SLC35F1: variants seen among roughly 807,000 people sequenced by gnomAD.
SLC35F1 encodes solute carrier family 35 member F1.
SLC35F1 carries 14 observed loss-of-function variants against 48.7 expected under a neutral mutation model. The ratio of observed to expected loss-of-function variants is 0.29; its 90% CI spans 0.19 to 0.45. The LOEUF is 0.45. SLC35F1 is among the 20% of genes least tolerant of loss of function. SLC35F1 has a pLI of 1.00. For synonymous variants in SLC35F1, 190 were observed against 202.2 expected (o/e 0.94, Z 0.51); for missense variants, 404 against 500.0 (o/e 0.81, Z 1.83).
intron 1 of SLC35F1, among the ~76,000 whole-genome samples, chr6:118,109,567 C>T (rs1357949235): frequency 6.6e-6 from 1 of 152,044 alleles, no homozygotes; most frequent in Non-Finnish European, 1.5e-5. Context: ...TCAAATTCAG[C>T]TTCAGTTGTA....
chr6:118,082,597 A>G (rs1385499527), intron 1 of SLC35F1, among the ~76,000 whole-genome samples: 1 of 149,960 alleles, frequency 6.7e-6, no homozygotes, highest in Admixed American at 6.6e-5. Flanking sequence ...TTTTTTTTTC[A>G]TAAAGGAGAA....
rs186805828 is a variant in SLC35F1, at chr6:118,276,581, G to T, written c.795-913G>T. Reference sequence around the variant, plus strand: ...ACAGTCTGAGAAGGATTTATTTGGGGTCCATTTTGAAAGTGATGGCATTTT... The same window carrying T: ...ACAGTCTGAGAAGGATTTATTTGGGTTCCATTTTGAAAGTGATGGCATTTT... On this transcript the variant is annotated intron_variant, in intron 5 of 7. Transcript: ENST00000360388. Among the ~76,000 whole-genome samples, 3 of 152,288 alleles carry T rather than the reference G, an allele frequency of 2.0e-5. No homozygotes were observed. In the East Asian group the frequency reaches 5.8e-4, roughly 29 times the overall value.
intron 2 of SLC35F1, among the ~76,000 whole-genome samples, chr6:118,195,770 C>CA (rs1774792924): frequency 6.6e-6 from 1 of 151,752 alleles, no homozygotes; most frequent in Admixed American, 6.6e-5. Context: ...CAAAGAAACT[C>CA]AGAGAGCTCA....
chr6:118,116,869 C>A (rs920809660), intron 1 of SLC35F1, among the ~76,000 whole-genome samples: 1 of 152,094 alleles, frequency 6.6e-6, no homozygotes, highest in Non-Finnish European at 1.5e-5. Context: ...TATTGAGTGA[C>A]GCCTTGGAGA....
intron 3 of SLC35F1, among the ~76,000 whole-genome samples, chr6:118,257,462 A>T (rs1286495936): frequency 6.6e-6 from 1 of 152,178 alleles, no homozygotes; most frequent in Non-Finnish European, 1.5e-5. Flanking sequence ...GGGAGATGGG[A>T]GGCAACACTG....
chr6:118,236,525 G>A (rs911787562), intron 3 of SLC35F1, among the ~76,000 whole-genome samples: 1 of 152,154 alleles, frequency 6.6e-6, no homozygotes, highest in African/African-American at 2.4e-5. Flanking sequence ...GAAACAAGCA[G>A]CAAAGCACTT....
chr6:118,178,354 G>A (rs1425999337), intron 2 of SLC35F1, among the ~76,000 whole-genome samples: 1 of 152,068 alleles, frequency 6.6e-6, no homozygotes, highest in Non-Finnish European at 1.5e-5. Context: ...TGTTCCTACA[G>A]CTGTTTTTTT....
intron 1 of SLC35F1, among the ~76,000 whole-genome samples, chr6:118,008,449 A>C (rs1777204034): frequency 6.6e-6 from 1 of 152,140 alleles, no homozygotes; most frequent in Non-Finnish European, 1.5e-5. Context: ...TCAATATTTA[A>C]ATTAATTTCA....
chr6:118,258,637 T>C (rs925007736), intron 3 of SLC35F1, among the ~76,000 whole-genome samples: 1 of 151,970 alleles, frequency 6.6e-6, no homozygotes, highest in Non-Finnish European at 1.5e-5. Flanking sequence ...CCAATTTGCC[T>C]TAGAAAACAT....
At chr6:118,061,032 A>G (rs1419997902) in intron 1 of SLC35F1, among the ~76,000 whole-genome samples, 2 of 152,226 alleles carry the variant, frequency 1.3e-5, no homozygotes, top group East Asian at 1.9e-4. Context: ...TTCCAAATGT[A>G]TCTTGGAATA....
chr6:118,074,346 T>C (rs1021434743), intron 1 of SLC35F1, among the ~76,000 whole-genome samples: 25 of 152,186 alleles, frequency 1.6e-4, no homozygotes, highest in African/African-American at 5.8e-4. Flanking sequence ...GCATGGAATA[T>C]TGACTGAATT....
intron 1 of SLC35F1, among the ~76,000 whole-genome samples, chr6:118,140,593 C>CTT (rs746621686): frequency 0.27 from 25,102 of 94,216 alleles, 2,174 homozygotes; most frequent in South Asian, 0.35. Flanking sequence ...GAGTGTATTC[C>CTT]TTATATTTTT....
intron 1 of SLC35F1, among the ~76,000 whole-genome samples, chr6:118,147,084 C>T (rs1188134725): frequency 6.6e-6 from 1 of 152,104 alleles, no homozygotes; most frequent in African/African-American, 2.4e-5. Context: ...AAGAGGGAGA[C>T]ACAGCACAGG....
At chr6:118,041,090 A>G (rs1010471209) in intron 1 of SLC35F1, among the ~76,000 whole-genome samples, 50 of 152,298 alleles carry the variant, frequency 3.3e-4, no homozygotes, top group African/African-American at 1.2e-3. Context: ...AACAAAACTG[A>G]CTTTAAAAAA....
intron 1 of SLC35F1, among the ~76,000 whole-genome samples, chr6:118,087,626 C>T (rs1278999086): frequency 2.0e-5 from 3 of 152,120 alleles, no homozygotes; most frequent in African/African-American, 4.8e-5. Flanking sequence ...TCACTGGACC[C>T]TCCTCTGCCT....
intron 3 of SLC35F1, among the ~76,000 whole-genome samples, chr6:118,247,135 T>C (rs1775517542): frequency 1.3e-5 from 2 of 152,234 alleles, no homozygotes; most frequent in South Asian, 4.1e-4. Flanking sequence ...AACCATCCCA[T>C]CTTCTTATAC....
At position 118,073,722 on chromosome 6, in the gene SLC35F1, T is replaced by A. The variant is rs185545942; in HGVS notation, c.174-80723T>A. On this transcript the variant is annotated intron_variant, in intron 1 of 7. Coordinates refer to ENST00000360388, the MANE Select transcript of SLC35F1 (RefSeq NM_001029858.4). ...TTTTTATATCAATATTTGAAAAAAA[T>A]TTCTGCCATTCATATTTAAATAATG... 6.7e-3 allele frequency among the ~76,000 whole-genome samples: 1,027 copies of A among 152,244 alleles called. 16 individuals are homozygous for A. Among genetic ancestry groups the A allele is most frequent in the African/African-American group, 0.023 (939 of 41,548 alleles).
intron 1 of SLC35F1, among the ~76,000 whole-genome samples, chr6:117,909,883 G>A (rs1775741536): frequency 6.6e-6 from 1 of 152,090 alleles, no homozygotes; most frequent in Non-Finnish European, 1.5e-5. Flanking sequence ...ACTTATGTTG[G>A]GTTGACGGCA....
intron 2 of SLC35F1, among the ~76,000 whole-genome samples, chr6:118,192,091 T>C (rs993744662): frequency 2.0e-5 from 3 of 152,196 alleles, no homozygotes; most frequent in Non-Finnish European, 4.4e-5. Context: ...TTATATCCTC[T>C]TGAATACGAG....
Sources: gnomAD v4.1 joint callset for allele counts (sites outside exome capture counted in the v4.1 genomes callset) on GRCh38, gnomAD v4.1.1 for gene constraint, MANE v1.5 for transcripts, NCBI Gene and HGNC (gene_info 2026-07-23, HGNC 2026-07-21) for gene names.